Variants in MEGF11 observed in about 807,000 individuals in gnomAD.
MEGF11 encodes multiple EGF like domains 11.
In MEGF11, 126 loss-of-function variants were observed where a neutral mutation model predicts 146.6. That is an observed-to-expected ratio of 0.86 (90% CI 0.74 to 1.00). The LOEUF (loss-of-function observed/expected upper bound fraction) is 1.00. MEGF11 is among the 50% of genes least tolerant of loss of function. The probability of loss-of-function intolerance (pLI) is 0.00; values close to 1 mark genes in which losing one functional copy is unlikely to be tolerated. For missense variants in MEGF11, 1,509 were observed against 1,521.2 expected (o/e 0.99, Z 0.13); for synonymous variants, 532 against 583.4 (o/e 0.91, Z 1.27).
intron 4 of MEGF11, among the ~76,000 whole-genome samples, chr15:66,106,683 G>A (rs1012285044): frequency 2.0e-5 from 3 of 152,120 alleles, no homozygotes; most frequent in Non-Finnish European, 4.4e-5. Flanking sequence ...CGCCTGCACA[G>A]ACATCCCTCA....
intron 5 of MEGF11, among the ~76,000 whole-genome samples, chr15:66,082,009 C>A (rs2085878703): frequency 6.6e-6 from 1 of 152,158 alleles, no homozygotes; most frequent in Admixed American, 6.5e-5. Flanking sequence ...ATAGAGTCAG[C>A]CAGAACCTTG....
intron 5 of MEGF11, among the ~76,000 whole-genome samples, chr15:66,065,894 G>C (rs2085103840): frequency 6.6e-6 from 1 of 152,182 alleles, no homozygotes; most frequent in South Asian, 2.1e-4. Flanking sequence ...GTCCACCCAG[G>C]TCTCCTGGCA....
At chr15:65,970,460 C>A in intron 8 of MEGF11, 93 bp downstream of exon 8, 1 of 1,388,562 alleles carries the variant, frequency 7.2e-7, no homozygotes, top group Non-Finnish European at 9.8e-7. Flanking sequence ...AACTGGAAGG[C>A]TGGCAGAGAG....
intron 1 of MEGF11, among the ~76,000 whole-genome samples, chr15:66,167,900 TG>T (rs2090144617): frequency 6.6e-6 from 1 of 152,156 alleles, no homozygotes; most frequent in South Asian, 2.1e-4. Flanking sequence ...AGGCCATCAC[TG>T]GCCTGGCCTC....
intron 10 of MEGF11, among the ~76,000 whole-genome samples, chr15:65,948,218 A>G (rs193154210): frequency 6.6e-6 from 1 of 152,208 alleles, no homozygotes; most frequent in East Asian, 1.9e-4. Flanking sequence ...GGTGGAAAGA[A>G]CAGTAGGCTG....
At chr15:66,170,014 GAAA>G (rs5813377) in intron 1 of MEGF11, among the ~76,000 whole-genome samples, 2 of 149,440 alleles carry the variant, frequency 1.3e-5, no homozygotes, top group Non-Finnish European at 3.0e-5. Context: ...ACCGTCTGCC[GAAA>G]AAAAAAAAAA....
At chr15:66,228,644 C>T (rs567293165) in intron 1 of MEGF11, among the ~76,000 whole-genome samples, 113 of 152,306 alleles carry the variant, frequency 7.4e-4, no homozygotes, top group African/African-American at 2.5e-3. Flanking sequence ...CATCTCCTAC[C>T]GCAAGCCAGC....
chr15:66,252,466 A>G (rs1007667206), intron 1 of MEGF11, among the ~76,000 whole-genome samples: 1 of 152,110 alleles, frequency 6.6e-6, no homozygotes, highest in African/African-American at 2.4e-5. Flanking sequence ...TCCGGAGAAC[A>G]TGACCACTCG....
intron 5 of MEGF11, among the ~76,000 whole-genome samples, chr15:65,996,685 C>G (rs1275533516): frequency 6.6e-6 from 1 of 152,088 alleles, no homozygotes; most frequent in East Asian, 1.9e-4. Context: ...AGGGTTTCAT[C>G]ATGCTGACCA....
chr15:65,897,050 C>G lies in MEGF11; in HGVS notation c.*884G>C, dbSNP rs564825816. 1 of 152,262 alleles carries G rather than the reference C, an allele frequency of 6.6e-6. No homozygotes were observed. Among genetic ancestry groups the G allele is most frequent in the South Asian group, 2.1e-4 (1 of 4,822 alleles). The allele number at this position is 152,262 out of a possible 1,614,324, so 9.4% of individuals were successfully genotyped here. A position where few individuals can be genotyped will look rare whatever the true frequency, so the allele number is the denominator to read the frequency against. ...AAATAAAATGAGGAGGCCAACTAGCCGTCTTTTACTTAATCCCGACCAGTC... is the reference window on the plus strand; with the variant it reads ...AAATAAAATGAGGAGGCCAACTAGCGGTCTTTTACTTAATCCCGACCAGTC... On this transcript the variant is annotated 3_prime_UTR_variant, in exon 26 of 26. Transcript: ENST00000395614.
rs376617427 is a variant in MEGF11 at position 66,179,678 on chromosome 15, T to C, written c.-8-51267A>G. Among the ~76,000 whole-genome samples, 49 of 152,156 alleles carry C rather than the reference T, an allele frequency of 3.2e-4. 1 individual carries two copies. In the East Asian group the frequency reaches 4.6e-3, roughly 14 times the overall value. ...TTTCCCCAAATGCAAAATAAGGAGA[T>C]TGTACTCAACCGGGTTTCAGGTTCC... On this transcript the variant is annotated intron_variant, in intron 1 of 25. Coordinates refer to ENST00000395614, the MANE Select transcript of MEGF11 (RefSeq NM_001385028.1).
chr15:65,936,938 G>A (rs2079809532), intron 10 of MEGF11, among the ~76,000 whole-genome samples: 1 of 152,162 alleles, frequency 6.6e-6, no homozygotes, highest in Non-Finnish European at 1.5e-5. Context: ...GGAGATCCTG[G>A]TCTATGCTTC....
At chr15:66,208,292 C>T (rs2091353614) in intron 1 of MEGF11, among the ~76,000 whole-genome samples, 2 of 151,926 alleles carry the variant, frequency 1.3e-5, no homozygotes, top group Admixed American at 1.3e-4. Flanking sequence ...CATGAGAAAA[C>T]TGATGTTTTG....
intron 1 of MEGF11, among the ~76,000 whole-genome samples, chr15:66,198,724 G>T (rs2091073791): frequency 6.6e-6 from 1 of 152,038 alleles, no homozygotes; most frequent in African/African-American, 2.4e-5. Flanking sequence ...GACCTCAAAT[G>T]ATCCACTCAC....
chr15:66,173,104 C>A (rs551637810), intron 1 of MEGF11, among the ~76,000 whole-genome samples: 2 of 152,244 alleles, frequency 1.3e-5, no homozygotes, highest in South Asian at 4.1e-4. Flanking sequence ...CGGGGACATC[C>A]GTCTTTCAGT....
intron 3 of MEGF11, among the ~76,000 whole-genome samples, chr15:66,119,619 C>T (rs2087917551): frequency 6.6e-6 from 1 of 152,074 alleles, no homozygotes; most frequent in African/African-American, 2.4e-5. Flanking sequence ...TGCTCACAGC[C>T]CCCTGAGTAT....
In MEGF11 at chr15:66,026,546, C is replaced by T. The variant is rs180754877; in HGVS notation, c.395-44058G>A. Among the ~76,000 whole-genome samples, 1,225 of 152,234 alleles carry T rather than the reference C, an allele frequency of 8.0e-3. 5 individuals are homozygous for T. The highest frequency in any genetic ancestry group is 0.012 in the Admixed American group (181 of 15,302). On this transcript the variant is annotated intron_variant, in intron 5 of 25. Transcript: ENST00000395614. ...GTCACCAGGCTGGAGTGCAGTGGCGCGATCTTGGCTCACTGCAACCTCGGC... is the reference window on the plus strand; with the variant it reads ...GTCACCAGGCTGGAGTGCAGTGGCGTGATCTTGGCTCACTGCAACCTCGGC...
intron 23 of MEGF11, among the ~76,000 whole-genome samples, chr15:65,908,294 G>A (rs1420763964): frequency 6.6e-6 from 1 of 152,190 alleles, no homozygotes; most frequent in Non-Finnish European, 1.5e-5. Flanking sequence ...GTCAGGCCTA[G>A]AGTTGTCTGG....
chr15:66,172,172 C>G (rs751494139), intron 1 of MEGF11, among the ~76,000 whole-genome samples: 1 of 152,198 alleles, frequency 6.6e-6, no homozygotes, highest in Non-Finnish European at 1.5e-5. Context: ...GAAGTTTGCT[C>G]GGCAGGAGAA....
Sources: allele counts gnomAD v4.1 joint callset (sites outside exome capture counted in the v4.1 genomes callset), GRCh38; gene constraint gnomAD v4.1.1; transcripts MANE v1.5; gene names NCBI Gene and HGNC (gene_info 2026-07-23, HGNC 2026-07-21).